The following BPIFB2 variants were observed in gnomAD, a reference collection of about 807,000 sequenced individuals.
BPIFB2 encodes the protein BPI fold-containing family B member 2.
A neutral mutation model predicts 50.1 loss-of-function variants in BPIFB2; 39 were observed. That is an observed-to-expected ratio of 0.78 (90% CI 0.60 to 1.02). The LOEUF (loss-of-function observed/expected upper bound fraction) is 1.02. Ranked by LOEUF, BPIFB2 falls within the 50% of genes least tolerant of loss-of-function variation. The pLI, the probability that BPIFB2 is intolerant of heterozygous loss-of-function variation, is 0.00. For synonymous variants in BPIFB2, 280 were observed against 256.3 expected, an observed-to-expected ratio of 1.09 and a Z score of -0.88; for missense variants, 574 against 585.8, an observed-to-expected ratio of 0.98 and a Z score of 0.21.
At chr20:33,013,482 G>A (rs940194083) in intron 4 of BPIFB2, among the ~76,000 whole-genome samples, 5 of 152,192 alleles carry the variant, frequency 3.3e-5, no homozygotes, top group African/African-American at 1.2e-4. Context: ...ACAGCCCTGC[G>A]AAATAGGTCC....
Position 33,013,999 on chromosome 20 carries a change from C to T in BPIFB2, c.455+43C>T, listed in dbSNP as rs376538284. 23 of 1,588,862 alleles carry T rather than the reference C, an allele frequency of 1.4e-5. No homozygotes were observed. The African/African-American group carries it at 3.0e-4, about 20-fold the overall frequency. ...GCAGGGTCACAGGAATCCCAGATGC[C>T]AAAGCTGTGCTGCTGTTTCCTGAGC... On this transcript the variant is annotated intron_variant, in intron 5 of 15. Coordinates refer to ENST00000170150, the MANE Select transcript of BPIFB2 (RefSeq NM_025227.3).
chr20:33,009,571 C>G lies in BPIFB2; in HGVS notation c.109+888C>G, dbSNP rs574902551. On this transcript the variant is annotated intron_variant, in intron 2 of 15. Coordinates refer to ENST00000170150, the MANE Select transcript of BPIFB2 (RefSeq NM_025227.3). The surrounding 1 kb of genome is among the most constrained non-coding windows in gnomAD (Gnocchi z 4.2). ...GCTCAGGGAAGTAGCAGGTTTCCCCCACCCCTGGGTAAACACAGCCTTCCG... is the reference window on the plus strand; with the variant it reads ...GCTCAGGGAAGTAGCAGGTTTCCCCGACCCCTGGGTAAACACAGCCTTCCG... Among the ~76,000 whole-genome samples, 1 of 152,308 alleles carries G rather than the reference C, an allele frequency of 6.6e-6. No homozygotes were observed. Among genetic ancestry groups the G allele is most frequent in the Non-Finnish European group, 1.5e-5 (1 of 68,020 alleles).
chr20:33,014,774 T>C (rs1206106265), intron 5 of BPIFB2, among the ~76,000 whole-genome samples: 2 of 152,224 alleles, frequency 1.3e-5, no homozygotes, highest in African/African-American at 4.8e-5. Flanking sequence ...TTGTGTCGCA[T>C]GATCACCACG....
intron 9 of BPIFB2, 25 bp from the exon 10 acceptor site, chr20:33,019,037 T>C (rs757523977): frequency 6.2e-7 from 1 of 1,614,154 alleles, no homozygotes; most frequent in Middle Eastern, 1.7e-4. Flanking sequence ...CTAAAACCTG[T>C]TGTGGCCTGG....
intron 1 of BPIFB2, among the ~76,000 whole-genome samples, chr20:33,007,995 C>T (rs1239999612): frequency 6.6e-6 from 1 of 152,182 alleles, no homozygotes; most frequent in Non-Finnish European, 1.5e-5. Context: ...GCCTATTTGG[C>T]CAGACTGAGT....
At chr20:33,008,230 T>A (rs566486396) in intron 1 of BPIFB2, among the ~76,000 whole-genome samples, 7 of 152,236 alleles carry the variant, frequency 4.6e-5, no homozygotes, top group Non-Finnish European at 8.8e-5. Context: ...CGTTTGGGAG[T>A]CTCACCATCC....
intron 1 of BPIFB2, among the ~76,000 whole-genome samples, chr20:33,008,271 G>A (rs1041008049): frequency 7.0e-4 from 106 of 152,296 alleles, no homozygotes; most frequent in Middle Eastern, 3.4e-3. Flanking sequence ...CCTGCACCTG[G>A]TCCCAGTCCA....
chr20:33,020,388 G>T lies in BPIFB2; in HGVS notation c.1141G>T (p.Val381Leu). The T allele has an allele frequency of 6.2e-7, 1 of 1,614,144 alleles. No homozygotes were observed. Among genetic ancestry groups the T allele is most frequent in the Non-Finnish European group, 8.5e-7 (1 of 1,180,000 alleles). ...GGTGAAGCTTCAGGGGACCACGTCT[G>T]TGCTGGGGTAAACGAGCCCACCTGG... ...SKVKLQGTTSVLGDVQLTVAS... is the reference protein window; with the variant it reads ...SKVKLQGTTSLLGDVQLTVAS... Residue 381 changes from valine (V) to leucine (L), a missense_variant, in exon 12 of 16, where the codon GTG becomes TTG. Physicochemically the swap from Val to Leu is conservative, Grantham distance 32. Transcript: ENST00000170150.
rs771211599 is a variant in BPIFB2 at position 33,020,309 on chromosome 20, G to A, written c.1081-19G>A. ...TCATGGCTCTGTGCCCTCTGACCCT[G>A]CTCTCCCCATGTGCCCAGGTAGTGA... is the stretch of plus-strand genomic sequence containing the variant. On this transcript the variant is annotated intron_variant, in intron 11 of 15. Coordinates refer to ENST00000170150, the MANE Select transcript of BPIFB2 (RefSeq NM_025227.3). 11 of 1,613,120 alleles carry A rather than the reference G, an allele frequency of 6.8e-6. No individual in the cohort carries two copies. Among genetic ancestry groups the A allele is most frequent in the Non-Finnish European group, 9.3e-6 (11 of 1,179,270 alleles).
At chr20:33,010,210 G>A (rs1226273472) in intron 2 of BPIFB2, among the ~76,000 whole-genome samples, 6 of 152,142 alleles carry the variant, frequency 3.9e-5, no homozygotes, top group Non-Finnish European at 8.8e-5. Context: ...CAGCACAGGT[G>A]AGTGAGGATG....
chr20:33,019,605 T>G lies in BPIFB2; in HGVS notation c.935T>G (p.Met312Arg), dbSNP rs753808135. Residue 312 changes from methionine (M) to arginine (R), a missense_variant, in exon 11 of 16, where the codon ATG (methionine) becomes AGG (arginine). By Grantham distance (91) the Met-to-Arg change is moderately conservative (BLOSUM62 -1). Transcript: ENST00000170150. Reference sequence around the variant, plus strand: ...GTGGCCCGCCAGTTTCCCGAGCCCATGCCTGTGGTGCTCAAGGTGCGGCTG... The same window carrying G: ...GTGGCCCGCCAGTTTCCCGAGCCCAGGCCTGTGGTGCTCAAGGTGCGGCTG... ...PEVARQFPEP[M>R]PVVLKVRLGA... The G allele has an allele frequency of 1.2e-6, 2 of 1,605,026 alleles. No homozygotes were observed. Among genetic ancestry groups the G allele is most frequent in the Admixed American group, 3.4e-5 (2 of 59,400 alleles).
intron 1 of BPIFB2, among the ~76,000 whole-genome samples, chr20:33,008,026 G>T (rs561673081): frequency 6.6e-6 from 1 of 152,332 alleles, no homozygotes; most frequent in South Asian, 2.1e-4. Context: ...TGGGGGCCAT[G>T]TGAGAGGCCT....
At position 33,019,267 on chromosome 20, in the gene BPIFB2, C is replaced by T. The variant is rs138669401; in HGVS notation, c.909+152C>T. On this transcript the variant is annotated intron_variant, in intron 10 of 15. Transcript: ENST00000170150. ...CTCCTCCATCTTGGGGAGGCTCTAA[C>T]TTCTGCCCAGACATCACACTCTGTC... is the stretch of plus-strand genomic sequence containing the variant. 7.8e-5 allele frequency: 76 copies of T among 971,438 alleles called. No homozygotes were observed. In the East Asian group the frequency reaches 1.7e-3, roughly 22 times the overall value. The allele number at this position is 971,438 out of a possible 1,614,324, so 60.2% of individuals were successfully genotyped here. A position where few individuals can be genotyped will look rare whatever the true frequency, so the allele number is the denominator to read the frequency against.
chr20:33,023,663 GA>G lies in BPIFB2; in HGVS notation c.*281del, dbSNP rs1978768571. On this transcript the variant is annotated 3_prime_UTR_variant, in exon 16 of 16. Transcript: ENST00000170150. ...GCAGACTGCTCCTCCAGGCTGTATAGACCTGCCCTCTTGCATTAAACAACTT... is the reference window on the plus strand; with the variant it reads ...GCAGACTGCTCCTCCAGGCTGTATAGCCTGCCCTCTTGCATTAAACAACTT... 3 of 542,086 alleles carry G rather than the reference GA, an allele frequency of 5.5e-6. No homozygotes were observed. The highest frequency in any genetic ancestry group is 1.0e-5 in the Non-Finnish European group (3 of 301,058). 33.6% of individuals were successfully genotyped at this position (542,086 alleles called of 1,614,324 possible). A position where few individuals can be genotyped will look rare whatever the true frequency, so the allele number is the denominator to read the frequency against.
At chr20:33,018,507 C>T in intron 8 of BPIFB2, 130 bp from the exon 9 acceptor site, 1 of 1,318,116 alleles carries the variant, frequency 7.6e-7, no homozygotes, top group Non-Finnish European at 1.1e-6. Context: ...AAAGTGTGAA[C>T]TACACATGTG....
In BPIFB2 at chr20:33,018,988, CA is replaced by C. The variant is rs1439613566; in HGVS notation, c.856-73del. 4.4e-6 allele frequency: 7 copies of C among 1,602,784 alleles called. No individual in the cohort carries two copies. The African/African-American group carries it at 8.0e-5, about 18-fold the overall frequency. On this transcript the variant is annotated intron_variant, in intron 9 of 15. Transcript: ENST00000170150. ...ACGGGGGCTATGGGGAGCGATTGCTCAGGGGGAAAGTGGTGATCTGTCTTGG... is the reference window on the plus strand; with the variant it reads ...ACGGGGGCTATGGGGAGCGATTGCTCGGGGGAAAGTGGTGATCTGTCTTGG...
chr20:33,019,168 G>T, intron 10 of BPIFB2, 53 bp downstream of exon 10: 1 of 1,602,888 alleles, frequency 6.2e-7, no homozygotes, highest in Non-Finnish European at 8.5e-7. Context: ...CTGGGGTGGG[G>T]GTTCTCTGGG....
chr20:33,010,616 G>A (rs115961998), intron 2 of BPIFB2, among the ~76,000 whole-genome samples: 2,616 of 152,066 alleles, frequency 0.017, 77 homozygotes, highest in African/African-American at 0.059. Flanking sequence ...CCCAAGGGAC[G>A]TCCCCTCTGC....
At chr20:33,021,382 C>G in intron 14 of BPIFB2, 38 bp downstream of exon 14, 1 of 1,578,714 alleles carries the variant, frequency 6.3e-7, no homozygotes. Context: ...GCCCCTCTGG[C>G]CCCCTCCATA....
Sources: gnomAD v4.1 joint callset for allele counts (sites outside exome capture counted in the v4.1 genomes callset) on GRCh38, gnomAD v4.1.1 for gene constraint, Gnocchi (gnomAD v3.1) non-coding constraint, MANE v1.5 for transcripts, NCBI Gene and HGNC (gene_info 2026-07-23, HGNC 2026-07-21) for gene names.